LAMA1: variants seen among roughly 807,000 people sequenced by gnomAD.
LAMA1 encodes the protein laminin subunit alpha-1.
LAMA1 carries 219 observed loss-of-function variants against 348.7 expected under a neutral mutation model. The ratio of observed to expected loss-of-function variants is 0.63; its 90% CI spans 0.56 to 0.70. The LOEUF (loss-of-function observed/expected upper bound fraction) is 0.70, where lower values mean the gene tolerates loss of function less well. LAMA1 is among the 30% of genes least tolerant of loss of function. LAMA1 has a pLI of 0.00. For synonymous variants in LAMA1, 1,487 were observed against 1,491.0 expected (o/e 1.00, Z 0.06); for missense variants, 3,744 against 3,888.0 (o/e 0.96, Z 0.99).
chr18:7,042,372 G>A (rs2144185043), intron 8 of LAMA1, 122 bp from the exon 9 acceptor site: 1 of 695,710 alleles, frequency 1.4e-6, no homozygotes. Context: ...TTTTGTGCAT[G>A]GGGGTGGGGG....
chr18:6,950,254 C>T (rs956116165), intron 58 of LAMA1, among the ~76,000 whole-genome samples: 4 of 152,210 alleles, frequency 2.6e-5, no homozygotes, highest in Admixed American at 6.5e-5. Flanking sequence ...AGGTTTTAAC[C>T]CTAGTCCTTG....
Position 7,023,394 on chromosome 18 carries a change from G to C in LAMA1, c.2490-19C>G. On this transcript the variant is annotated intron_variant, in intron 18 of 62. Coordinates refer to ENST00000389658, the MANE Select transcript of LAMA1 (RefSeq NM_005559.4). ...TGCACATCTGTATCAAAGATTGAAA[G>C]TGGGATCAGACAAATGCAGTTACTT... 6.2e-7 allele frequency: 1 copy of C among 1,607,442 alleles called. No homozygotes were observed. Among genetic ancestry groups the C allele is most frequent in the African/African-American group, 1.3e-5 (1 of 74,842 alleles).
Position 7,050,808 on chromosome 18 carries a change from C to A in LAMA1, c.474G>T (p.Glu158Asp). 2 of 1,614,212 alleles carry A rather than the reference C, an allele frequency of 1.2e-6. No homozygotes were observed. Among genetic ancestry groups the A allele is most frequent in the East Asian group, 4.5e-5 (2 of 44,882 alleles). Residue 158 changes from glutamate to aspartate, a missense_variant, in exon 4 of 63, where the codon GAG becomes GAT. Coordinates refer to ENST00000389658, the MANE Select transcript of LAMA1 (RefSeq NM_005559.4). ...PWQYYAVSDS[E>D]CLSRYNITPR... ...GAGTTATATTGTAACGAGACAAACACTCTGAGTCGCTGACTGCATAATACT... is the reference window on the plus strand; with the variant it reads ...GAGTTATATTGTAACGAGACAAACAATCTGAGTCGCTGACTGCATAATACT...
intron 22 of LAMA1, 122 bp downstream of exon 22, chr18:7,015,600 T>TTC: frequency 1.6e-6 from 2 of 1,274,930 alleles, no homozygotes; most frequent in South Asian, 1.3e-5. Context: ...TTTTTTTTTT[T>TTC]TTTTAAATTC....
intron 3 of LAMA1, chr18:7,079,524 C>T (rs1414124692): frequency 8.2e-6 from 2 of 243,762 alleles, no homozygotes; most frequent in Non-Finnish European, 1.6e-5. Context: ...GAGACACAGT[C>T]AAGAGGTTTA....
chr18:7,087,685 G>A (rs9966244), intron 1 of LAMA1, among the ~76,000 whole-genome samples: 2,081 of 152,212 alleles, frequency 0.014, 65 homozygotes, highest in African/African-American at 0.047. Context: ...CTCTGAAATC[G>A]CTAGTGCCTA....
chr18:6,963,215 T>C (rs1194056453), intron 51 of LAMA1, among the ~76,000 whole-genome samples: 1 of 152,166 alleles, frequency 6.6e-6, no homozygotes, highest in Non-Finnish European at 1.5e-5. Flanking sequence ...ACTGAGAACA[T>C]CTGTGATATG....
chr18:7,019,453 T>C (rs1016988993), intron 19 of LAMA1, among the ~76,000 whole-genome samples: 3 of 152,164 alleles, frequency 2.0e-5, no homozygotes, highest in African/African-American at 7.2e-5. Flanking sequence ...AAACTATTGA[T>C]GATAATTTAA....
intron 20 of LAMA1, among the ~76,000 whole-genome samples, 192 bp from the exon 21 acceptor site, chr18:7,016,863 C>T (rs2057890793): frequency 6.6e-6 from 1 of 152,190 alleles, no homozygotes; most frequent in Non-Finnish European, 1.5e-5. Flanking sequence ...CACTTTATGA[C>T]ATGGTTTGAC....
chr18:7,044,041 A>G (rs1377753132), intron 7 of LAMA1, among the ~76,000 whole-genome samples: 2 of 151,826 alleles, frequency 1.3e-5, no homozygotes, highest in Non-Finnish European at 2.9e-5. Flanking sequence ...CTGTAGTCCC[A>G]GCTACTCAGG....
intron 16 of LAMA1, among the ~76,000 whole-genome samples, chr18:7,031,519 T>C (rs1201567367): frequency 6.6e-6 from 1 of 152,036 alleles, no homozygotes; most frequent in Admixed American, 6.6e-5. Flanking sequence ...GGGTATATTA[T>C]GTAATATCAT....
chr18:6,974,096 T>C (rs1339288142), intron 46 of LAMA1, among the ~76,000 whole-genome samples: 1 of 152,150 alleles, frequency 6.6e-6, no homozygotes, highest in Non-Finnish European at 1.5e-5. Flanking sequence ...AAAGGTAACC[T>C]AAACTTTTAG....
intron 3 of LAMA1, among the ~76,000 whole-genome samples, chr18:7,060,548 T>A (rs2058098441): frequency 1.3e-5 from 2 of 152,176 alleles, no homozygotes; most frequent in Admixed American, 1.3e-4. Flanking sequence ...AAAATTCATG[T>A]CTCAGACAAT....
intron 29 of LAMA1, among the ~76,000 whole-genome samples, chr18:7,005,830 A>G (rs959115092): frequency 6.6e-6 from 1 of 152,180 alleles, no homozygotes; most frequent in African/African-American, 2.4e-5. Context: ...CCATCCTCCA[A>G]GCCCAGACAC....
chr18:7,011,929 C>A, intron 24 of LAMA1, 66 bp downstream of exon 24: 1 of 1,533,834 alleles, frequency 6.5e-7, no homozygotes, highest in Non-Finnish European at 8.8e-7. Flanking sequence ...GCTGTGTTTC[C>A]CACCCCCACC....
At chr18:7,112,882 G>A (rs562610928) in intron 1 of LAMA1, among the ~76,000 whole-genome samples, 3 of 152,206 alleles carry the variant, frequency 2.0e-5, no homozygotes, top group Admixed American at 6.5e-5. Flanking sequence ...TGACCCACCT[G>A]CCTCGGCCTC....
At chr18:7,097,276 A>AT (rs1222440808) in intron 1 of LAMA1, among the ~76,000 whole-genome samples, 20 of 151,776 alleles carry the variant, frequency 1.3e-4, no homozygotes, top group East Asian at 5.8e-4. Flanking sequence ...TGAACAAAAA[A>AT]AATAATAAAA....
At chr18:7,101,717 G>A (rs1598320858) in intron 1 of LAMA1, among the ~76,000 whole-genome samples, 2 of 152,166 alleles carry the variant, frequency 1.3e-5, no homozygotes, top group Non-Finnish European at 1.5e-5. Context: ...GCTCAGGCTA[G>A]AATATAGTGG....
chr18:6,993,783 T>A, intron 34 of LAMA1, 31 bp from the exon 35 acceptor site: 2 of 1,254,372 alleles, frequency 1.6e-6, no homozygotes, highest in Non-Finnish European at 2.3e-6. Flanking sequence ...CAGGTTAGTT[T>A]GACTTTAAGT....
Sources: allele counts gnomAD v4.1 joint callset (sites outside exome capture counted in the v4.1 genomes callset), GRCh38; gene constraint gnomAD v4.1.1; transcripts MANE v1.5; gene names NCBI Gene and HGNC (gene_info 2026-07-23, HGNC 2026-07-21).